Variants in DRC10 observed in about 807,000 individuals in gnomAD.
The protein encoded by DRC10 is IQ domain-containing protein D.
At chr12:113,198,246 A>G in the DRC10 span, among the ~76,000 whole-genome samples, 1 of 152,014 alleles carries the variant, frequency 6.6e-6, no homozygotes, top group Non-Finnish European at 1.5e-5. Context: ...AAATTAAAGG[A>G]CAGAAATCAA....
At chr12:113,200,518 A>G in the DRC10 span, 1 of 1,096,978 alleles carries the variant, frequency 9.1e-7, no homozygotes, top group South Asian at 1.3e-5. Flanking sequence ...GTGATGGAAC[A>G]GTCCCACCCA....
the DRC10 span, among the ~76,000 whole-genome samples, chr12:113,213,998 C>G: frequency 5.9e-5 from 9 of 152,030 alleles, no homozygotes; most frequent in African/African-American, 2.2e-4. Flanking sequence ...GTTGCCCAGG[C>G]TGGTCTTGAA....
the DRC10 span, among the ~76,000 whole-genome samples, chr12:113,213,059 G>GA: frequency 1.7e-3 from 257 of 148,956 alleles, 1 homozygote; most frequent in Middle Eastern, 7.0e-3. Flanking sequence ...ATATTTTGAG[G>GA]AAAAAAAAGA....
At chr12:113,208,461 C>T in the DRC10 span, 1 of 701,074 alleles carries the variant, frequency 1.4e-6, no homozygotes, top group Admixed American at 4.4e-5. Context: ...GTGGAGGCAT[C>T]TCAGGCACAT....
the DRC10 span, chr12:113,207,449 T>A: frequency 6.2e-7 from 1 of 1,611,048 alleles, no homozygotes; most frequent in Non-Finnish European, 8.5e-7. Flanking sequence ...TCTGCATTCC[T>A]GTTCTTCATT....
chr12:113,212,626 C>G, the DRC10 span, among the ~76,000 whole-genome samples: 24 of 152,324 alleles, frequency 1.6e-4, no homozygotes, highest in African/African-American at 5.8e-4. Flanking sequence ...ACCTCTTTTG[C>G]TTTAAAGGGC....
the DRC10 span, chr12:113,207,382 CA>C: frequency 6.9e-7 from 1 of 1,449,576 alleles, no homozygotes; most frequent in South Asian, 1.1e-5. Flanking sequence ...AAAACCCAAC[CA>C]ACAAAAGATT....
At chr12:113,207,505 T>C in the DRC10 span, 48 of 1,613,936 alleles carry the variant, frequency 3.0e-5, no homozygotes, top group Non-Finnish European at 4.0e-5. Context: ...TTGTTGGTTA[T>C]TACTATTCTG....
chr12:113,207,344 T>C, the DRC10 span: 1 of 1,050,516 alleles, frequency 9.5e-7, no homozygotes, highest in Non-Finnish European at 1.5e-6. Flanking sequence ...CGAGACTCCA[T>C]CTTAAAAAAA....
At chr12:113,214,507 CAAAAAAAAAA>C in the DRC10 span, among the ~76,000 whole-genome samples, 8 of 50,304 alleles carry the variant, frequency 1.6e-4, no homozygotes, top group Admixed American at 5.9e-4. Context: ...GACTCCGTCT[CAAAAAAAAAA>C]AAAAAAAAAA....
chr12:113,207,657 CT>C, the DRC10 span: 1 of 1,614,128 alleles, frequency 6.2e-7, no homozygotes, highest in South Asian at 1.1e-5. Flanking sequence ...GTGTCTGCAT[CT>C]GCAGGAGCCT....
the DRC10 span, among the ~76,000 whole-genome samples, chr12:113,202,363 G>C: frequency 6.6e-6 from 1 of 151,572 alleles, no homozygotes; most frequent in Non-Finnish European, 1.5e-5. Flanking sequence ...TCAGTGAGAA[G>C]TGCCCAACCC....
chr12:113,206,712 G>T, the DRC10 span, among the ~76,000 whole-genome samples: 40 of 150,904 alleles, frequency 2.7e-4, no homozygotes, highest in African/African-American at 9.5e-4. Context: ...TCAAGATGTT[G>T]CCACTGCACT....
At chr12:113,210,294 A>G in the DRC10 span, among the ~76,000 whole-genome samples, 2 of 152,196 alleles carry the variant, frequency 1.3e-5, no homozygotes, top group Non-Finnish European at 2.9e-5. Context: ...TGGGCTGGTC[A>G]TTTAATCCTC....
chr12:113,219,857 G>A, the DRC10 span, among the ~76,000 whole-genome samples: 2 of 152,014 alleles, frequency 1.3e-5, no homozygotes, highest in Non-Finnish European at 2.9e-5. Context: ...CACCCAGACT[G>A]GAGTGCAGTG....
chr12:113,207,600 C>T, the DRC10 span: 10 of 1,614,036 alleles, frequency 6.2e-6, no homozygotes, highest in Admixed American at 6.7e-5. Context: ...AACCACGGAG[C>T]TCTATCAGGC....
At chr12:113,215,680 G>C in the DRC10 span, among the ~76,000 whole-genome samples, 1 of 152,126 alleles carries the variant, frequency 6.6e-6, no homozygotes, top group Non-Finnish European at 1.5e-5. Flanking sequence ...TGGTTACAGT[G>C]TCACTTTAGA....
the DRC10 span, chr12:113,203,138 A>G: frequency 2.4e-6 from 1 of 409,108 alleles, no homozygotes; most frequent in East Asian, 7.3e-5. Flanking sequence ...TGATCCTCCC[A>G]CCTCAGCTTC....
At chr12:113,197,105 T>A in the DRC10 span, among the ~76,000 whole-genome samples, 6 of 151,508 alleles carry the variant, frequency 4.0e-5, no homozygotes, top group Admixed American at 3.3e-4. Flanking sequence ...CAGGAGCCCA[T>A]CCAGAGGAGT....
Sources: gnomAD v4.1 joint callset for allele counts (sites outside exome capture counted in the v4.1 genomes callset) on GRCh38, gnomAD v4.1.1 for gene constraint, MANE v1.5 for transcripts, NCBI Gene and HGNC (gene_info 2026-07-23, HGNC 2026-07-21) for gene names.